The following ADAMTS3 variants were observed in gnomAD, a reference collection of about 807,000 sequenced individuals.
ADAMTS3 encodes ADAM metallopeptidase with thrombospondin type 1 motif 3.
A neutral mutation model predicts 129.0 loss-of-function variants in ADAMTS3; 73 were observed. The ratio of observed to expected loss-of-function variants is 0.57; its 90% CI spans 0.47 to 0.69. The LOEUF (loss-of-function observed/expected upper bound fraction) is 0.69. Ranked by LOEUF, ADAMTS3 falls within the 30% of genes least tolerant of loss-of-function variation. The pLI is 0.00. For synonymous variants in ADAMTS3, 477 were observed against 510.8 expected (o/e 0.93, Z 0.89); for missense variants, 1,457 against 1,514.5 (o/e 0.96, Z 0.63).
At chr4:72,361,899 T>A (rs1297835970) in intron 4 of ADAMTS3, among the ~76,000 whole-genome samples, 2 of 152,126 alleles carry the variant, frequency 1.3e-5, no homozygotes, top group Non-Finnish European at 1.5e-5. Flanking sequence ...ACACTAATTT[T>A]AAAATTTCTC....
intron 4 of ADAMTS3, among the ~76,000 whole-genome samples, chr4:72,369,509 G>T (rs1273796395): frequency 6.6e-6 from 1 of 152,064 alleles, no homozygotes; most frequent in African/African-American, 2.4e-5. Flanking sequence ...TCAGGAGTTT[G>T]AAACCAGCAT....
At chr4:72,415,664 A>T (rs1333035123) in intron 3 of ADAMTS3, among the ~76,000 whole-genome samples, 1 of 151,920 alleles carries the variant, frequency 6.6e-6, no homozygotes, top group Non-Finnish European at 1.5e-5. Flanking sequence ...CTTGCTTTCA[A>T]TTCCTTCCAT....
intron 3 of ADAMTS3, among the ~76,000 whole-genome samples, chr4:72,429,869 C>T (rs558541578): frequency 2.0e-5 from 3 of 152,038 alleles, no homozygotes; most frequent in Admixed American, 2.0e-4. Context: ...GTCAACATCT[C>T]CTGGACAGTG....
intron 4 of ADAMTS3, among the ~76,000 whole-genome samples, chr4:72,350,675 C>T (rs983885151): frequency 6.6e-6 from 1 of 151,952 alleles, no homozygotes; most frequent in Non-Finnish European, 1.5e-5. Context: ...TGACTGACCA[C>T]CACTGAGGCC....
chr4:72,416,905 A>C (rs1722319049), intron 3 of ADAMTS3, among the ~76,000 whole-genome samples: 1 of 152,216 alleles, frequency 6.6e-6, no homozygotes, highest in Non-Finnish European at 1.5e-5. Context: ...AAATGTATAA[A>C]AAGTTAATAA....
intron 3 of ADAMTS3, among the ~76,000 whole-genome samples, chr4:72,532,137 C>G (rs1335222914): frequency 6.6e-6 from 1 of 151,768 alleles, no homozygotes; most frequent in Non-Finnish European, 1.5e-5. Context: ...TGCACACATA[C>G]AAGAAACAGA....
intron 11 of ADAMTS3, among the ~76,000 whole-genome samples, chr4:72,315,019 T>C (rs949265253): frequency 6.6e-6 from 1 of 152,202 alleles, no homozygotes; most frequent in Non-Finnish European, 1.5e-5. Context: ...ACTCAGCCAA[T>C]TTCTGAGCAT....
At chr4:72,308,467 A>G (rs1024247602) in intron 15 of ADAMTS3, among the ~76,000 whole-genome samples, 6 of 151,924 alleles carry the variant, frequency 3.9e-5, no homozygotes, top group Non-Finnish European at 5.9e-5. Flanking sequence ...AACGTAAACC[A>G]TATTTCTTTG....
intron 3 of ADAMTS3, among the ~76,000 whole-genome samples, chr4:72,458,297 C>T (rs1409332654): frequency 6.6e-6 from 1 of 151,400 alleles, no homozygotes; most frequent in African/African-American, 2.4e-5. Context: ...AAATTTTAGT[C>T]TCTCTCTGTC....
At chr4:72,563,495 C>T (rs1721953445) in intron 2 of ADAMTS3, among the ~76,000 whole-genome samples, 1 of 152,062 alleles carries the variant, frequency 6.6e-6, no homozygotes, top group African/African-American at 2.4e-5. Context: ...CCCAAGTAGG[C>T]TGTAGTTAAA....
At chr4:72,495,181 A>C (rs1719844903) in intron 3 of ADAMTS3, among the ~76,000 whole-genome samples, 1 of 152,130 alleles carries the variant, frequency 6.6e-6, no homozygotes, top group Admixed American at 6.5e-5. Context: ...TGTGTAGAAC[A>C]ACCACAGCAC....
At chr4:72,396,625 C>A (rs904919489) in intron 4 of ADAMTS3, among the ~76,000 whole-genome samples, 19 of 152,156 alleles carry the variant, frequency 1.2e-4, no homozygotes, top group Non-Finnish European at 2.2e-4. Context: ...TACATCAGAG[C>A]AGGCATCATA....
chr4:72,510,471 T>C (rs1720283286), intron 3 of ADAMTS3, among the ~76,000 whole-genome samples: 1 of 152,006 alleles, frequency 6.6e-6, no homozygotes, highest in South Asian at 2.1e-4. Flanking sequence ...CATTTCTATA[T>C]GCCAACAGTG....
intron 2 of ADAMTS3, among the ~76,000 whole-genome samples, chr4:72,563,713 G>C (rs1202296206): frequency 6.6e-6 from 1 of 152,088 alleles, no homozygotes; most frequent in African/African-American, 2.4e-5. Context: ...TTTTCTTAGG[G>C]ACCAATTCAG....
At chr4:72,421,963 T>C (rs1009399657) in intron 3 of ADAMTS3, among the ~76,000 whole-genome samples, 5 of 152,190 alleles carry the variant, frequency 3.3e-5, no homozygotes, top group African/African-American at 9.7e-5. Flanking sequence ...TAGGTAGTCA[T>C]GCATTCAACA....
intron 10 of ADAMTS3, 21 bp downstream of exon 10, chr4:72,318,551 C>T: frequency 6.2e-7 from 1 of 1,610,182 alleles, no homozygotes; most frequent in South Asian, 1.1e-5. Flanking sequence ...GCAAAATCTA[C>T]ATCAACTGTG....
chr4:72,396,055 T>TA (rs1253166696), intron 4 of ADAMTS3, among the ~76,000 whole-genome samples: 1 of 152,180 alleles, frequency 6.6e-6, no homozygotes, highest in Non-Finnish European at 1.5e-5. Context: ...GGGTACTGCT[T>TA]ACCAACTGGA....
At chr4:72,511,012 A>G (rs986368393) in intron 3 of ADAMTS3, among the ~76,000 whole-genome samples, 3 of 152,254 alleles carry the variant, frequency 2.0e-5, no homozygotes, top group Non-Finnish European at 4.4e-5. Context: ...AAGTGCCAAG[A>G]ACATACAATG....
rs903711556 is a variant in ADAMTS3, at chr4:72,540,819, G to A, written c.504+7659C>T. 1.7e-4 allele frequency among the ~76,000 whole-genome samples: 26 copies of A among 152,328 alleles called. 1 individual carries two copies. Among genetic ancestry groups the A allele is most frequent in the Admixed American group, 1.3e-3 (20 of 15,306 alleles). On this transcript the variant is annotated intron_variant, in intron 3 of 21. Coordinates refer to ENST00000286657, the MANE Select transcript of ADAMTS3 (RefSeq NM_014243.3). The stretch of plus-strand genomic sequence containing the variant: ...ACAGAAGTCAAGTACTGACGTTTGA[G>A]AACCTCCAAATAGATTTCAGAGGAT...
Sources: gnomAD v4.1 joint callset for allele counts (sites outside exome capture counted in the v4.1 genomes callset) on GRCh38, gnomAD v4.1.1 for gene constraint, MANE v1.5 for transcripts, NCBI Gene and HGNC (gene_info 2026-07-23, HGNC 2026-07-21) for gene names.